The following SSH2 variants were observed in gnomAD, a reference collection of about 807,000 sequenced individuals.
The protein encoded by SSH2 is protein phosphatase Slingshot homolog 2.
Under a neutral mutation model 135.2 loss-of-function variants are expected in SSH2, and 37 were observed. The observed-to-expected ratio is 0.27, with a 90% confidence interval of 0.21 to 0.36. SSH2 has a LOEUF of 0.36. SSH2 is among the 10% of genes least tolerant of loss of function. SSH2 has a pLI of 1.00. For synonymous variants in SSH2, 628 were observed against 646.2 expected, an observed-to-expected ratio of 0.97 and a Z score of 0.43; for missense variants, 1,408 against 1,765.3, an observed-to-expected ratio of 0.80 and a Z score of 3.63.
intron 3 of SSH2, among the ~76,000 whole-genome samples, chr17:29,712,929 C>A (rs1567907043): frequency 6.6e-6 from 1 of 152,334 alleles, no homozygotes; most frequent in East Asian, 1.9e-4. Flanking sequence ...TGGGCTTAAG[C>A]CCCCATGTCA....
At chr17:29,679,266 TAGAA>T (rs1012401597) in intron 6 of SSH2, among the ~76,000 whole-genome samples, 1 of 152,174 alleles carries the variant, frequency 6.6e-6, no homozygotes, top group African/African-American at 2.4e-5. Context: ...CATGGTGTAC[TAGAA>T]AGAATCTGGC....
chr17:29,631,227 C>T lies in SSH2; in HGVS notation c.3967G>A (p.Asp1323Asn). The T allele has an allele frequency of 6.2e-7, 1 of 1,614,120 alleles. No individual in the cohort carries two copies. Among genetic ancestry groups the T allele is most frequent in the East Asian group, 2.2e-5 (1 of 44,892 alleles). The change falls in exon 16 of 16, where the codon GAC becomes AAC. Residue 1323 changes from aspartate (D) to asparagine (N), a missense_variant. Around this residue, in one of 3 missense-constraint regions of SSH2, gnomAD observed 1,080 missense variants for 1,144.5 expected, o/e 0.94. Transcript: ENST00000540801. ...LKLLQPFLRT[D>N]SGMHAMEDQE... ...TCCTCCATCGCGTGCATGCCTGAGT[C>T]TGTTCTGAGGAAAGGCTGAAGCAGT...
chr17:29,740,380 C>G (rs998288470), intron 3 of SSH2, among the ~76,000 whole-genome samples: 3 of 152,120 alleles, frequency 2.0e-5, no homozygotes, highest in Admixed American at 1.3e-4. Context: ...ACCAACACTA[C>G]AGAAACCAGC....
chr17:29,842,977 C>T (rs1412015060), intron 2 of SSH2, among the ~76,000 whole-genome samples: 1 of 152,076 alleles, frequency 6.6e-6, no homozygotes, highest in African/African-American at 2.4e-5. Context: ...TTCCCTTTTT[C>T]CCCCCTTTTT....
intron 1 of SSH2, among the ~76,000 whole-genome samples, chr17:29,913,347 A>AAAAAAATTATATATATAT: frequency 1.7e-4 from 5 of 28,786 alleles, no homozygotes; most frequent in African/African-American, 2.5e-4. Flanking sequence ...AAAAAAAAAA[A>AAAAAAATTATATATATAT]ATATATATAT....
At chr17:29,653,931 A>T (rs2036683994) in intron 12 of SSH2, among the ~76,000 whole-genome samples, 1 of 152,198 alleles carries the variant, frequency 6.6e-6, no homozygotes, top group Admixed American at 6.5e-5. Context: ...AGAAGCTTGT[A>T]AAAAACATTG....
At chr17:29,876,589 G>C (rs920851011) in intron 1 of SSH2, among the ~76,000 whole-genome samples, 1 of 151,232 alleles carries the variant, frequency 6.6e-6, no homozygotes, top group Non-Finnish European at 1.5e-5. Context: ...TAGGTTGCCT[G>C]CGAGTTAAAC....
At chr17:29,920,149 C>A (rs1031867442) in intron 1 of SSH2, among the ~76,000 whole-genome samples, 1 of 152,216 alleles carries the variant, frequency 6.6e-6, no homozygotes, top group Non-Finnish European at 1.5e-5. Flanking sequence ...TATCTGCCCA[C>A]CTCAGCCTCC....
intron 3 of SSH2, among the ~76,000 whole-genome samples, chr17:29,710,240 G>A (rs1044036663): frequency 3.3e-5 from 5 of 152,192 alleles, no homozygotes; most frequent in Non-Finnish European, 5.9e-5. Flanking sequence ...TTTACTATGA[G>A]AAATCAAGTG....
chr17:29,747,337 CT>C (rs1469409129), intron 3 of SSH2, among the ~76,000 whole-genome samples: 5 of 152,120 alleles, frequency 3.3e-5, no homozygotes, highest in African/African-American at 1.2e-4. Context: ...TGATTCAAAC[CT>C]CTGGATTTTG....
chr17:29,731,424 TATTTA>T (rs1488105616), intron 3 of SSH2, among the ~76,000 whole-genome samples: 10 of 89,420 alleles, frequency 1.1e-4, no homozygotes, highest in African/African-American at 4.4e-4. Context: ...ATTTTTTATT[TATTTA>T]TTTATTTATT....
At position 29,717,896 on chromosome 17, in the gene SSH2, A is replaced by C. The variant is rs544636620; in HGVS notation, c.189-14834T>G. 1.6e-4 allele frequency among the ~76,000 whole-genome samples: 25 copies of C among 152,334 alleles called. 1 individual carries two copies. In the South Asian group the frequency reaches 4.8e-3, roughly 29 times the overall value. Reference sequence around the variant, plus strand: ...AAAAGGTAGTGGGAGCAGCAGATATAAAAGGCCCTGAGGCAGAAGAATAAC... The same window carrying C: ...AAAAGGTAGTGGGAGCAGCAGATATCAAAGGCCCTGAGGCAGAAGAATAAC... On this transcript the variant is annotated intron_variant, in intron 3 of 15. Coordinates refer to ENST00000540801, the MANE Select transcript of SSH2 (RefSeq NM_001282129.2).
intron 1 of SSH2, chr17:29,925,250 C>G: frequency 3.0e-6 from 1 of 335,286 alleles, no homozygotes. Flanking sequence ...TTATTTAACC[C>G]TGGATCAATA....
At chr17:29,797,053 GT>G (rs1160139711) in intron 2 of SSH2, among the ~76,000 whole-genome samples, 1 of 151,086 alleles carries the variant, frequency 6.6e-6, no homozygotes, top group Non-Finnish European at 1.5e-5. Context: ...CAAACTTCTG[GT>G]CTCAAGTGAT....
At chr17:29,714,869 T>C (rs1468611835) in intron 3 of SSH2, among the ~76,000 whole-genome samples, 2 of 152,148 alleles carry the variant, frequency 1.3e-5, no homozygotes, top group African/African-American at 4.8e-5. Flanking sequence ...TTTCTTTTTT[T>C]CTTTTTTTGT....
At chr17:29,875,594 C>A (rs1017646841) in intron 1 of SSH2, among the ~76,000 whole-genome samples, 2 of 152,080 alleles carry the variant, frequency 1.3e-5, no homozygotes, top group African/African-American at 4.8e-5. Context: ...GGAAAAAAAT[C>A]AAAACTTCTT....
At chr17:29,732,911 A>G (rs1187911065) in intron 3 of SSH2, among the ~76,000 whole-genome samples, 1 of 152,208 alleles carries the variant, frequency 6.6e-6, no homozygotes, top group Non-Finnish European at 1.5e-5. Flanking sequence ...GCAAAGCAGC[A>G]AATATCTTTC....
intron 2 of SSH2, among the ~76,000 whole-genome samples, chr17:29,816,851 T>C (rs1052186502): frequency 1.3e-5 from 2 of 152,098 alleles, no homozygotes; most frequent in African/African-American, 4.8e-5. Context: ...AGGAGACCAA[T>C]TACTAACAGC....
At chr17:29,898,136 G>A (rs1395545932) in intron 1 of SSH2, among the ~76,000 whole-genome samples, 2 of 152,078 alleles carry the variant, frequency 1.3e-5, no homozygotes, top group South Asian at 4.1e-4. Flanking sequence ...GCAGTGTGTA[G>A]AGGGAAATTT....
Sources: allele counts gnomAD v4.1 joint callset (sites outside exome capture counted in the v4.1 genomes callset), GRCh38; gene constraint gnomAD v4.1.1; regional missense constraint gnomAD v4.1.1; transcripts MANE v1.5; gene names NCBI Gene and HGNC (gene_info 2026-07-23, HGNC 2026-07-21).